Variants in PIK3CD observed in about 807,000 individuals in gnomAD.
PIK3CD encodes the protein phosphatidylinositol 4,5-bisphosphate 3-kinase catalytic subunit delta isoform.
Under a neutral mutation model 122.9 loss-of-function variants are expected in PIK3CD, and 20 were observed. The observed-to-expected ratio is 0.16, with a 90% CI of 0.11 to 0.24. PIK3CD has a LOEUF of 0.24. Ranked by LOEUF, PIK3CD falls within the 10% of genes least tolerant of loss-of-function variation. PIK3CD has a pLI of 1.00. For synonymous variants in PIK3CD, 596 were observed against 593.4 expected, an observed-to-expected ratio of 1.00 and a Z score of -0.06; for missense variants, 787 against 1,406.3, an observed-to-expected ratio of 0.56 and a Z score of 7.04.
At chr1:9,674,868 C>CA (rs1294581200) in intron 1 of PIK3CD, among the ~76,000 whole-genome samples, 1 of 149,898 alleles carries the variant, frequency 6.7e-6, no homozygotes, top group African/African-American at 2.4e-5. Flanking sequence ...CCCATCTCTA[C>CA]AAAAAAATAC....
At chr1:9,685,703 T>C (rs1218330046) in intron 1 of PIK3CD, among the ~76,000 whole-genome samples, 2 of 152,180 alleles carry the variant, frequency 1.3e-5, no homozygotes, top group Admixed American at 1.3e-4. Context: ...CTCACTGTGT[T>C]GTCCAGGCTC....
At chr1:9,684,526 G>A (rs1263971146) in intron 1 of PIK3CD, among the ~76,000 whole-genome samples, 2 of 144,062 alleles carry the variant, frequency 1.4e-5, no homozygotes, top group Non-Finnish European at 3.0e-5. Context: ...GACAGAGAGA[G>A]ACTCCGTCTC....
At chr1:9,637,411 C>T in the PIK3CD span, among the ~76,000 whole-genome samples, 1 of 152,184 alleles carries the variant, frequency 6.6e-6, no homozygotes, top group African/African-American at 2.4e-5. Context: ...CACCTACAGT[C>T]CCAGCTACTC....
At chr1:9,702,492 G>T (rs1646673786) in intron 2 of PIK3CD, among the ~76,000 whole-genome samples, 2 of 65,858 alleles carry the variant, frequency 3.0e-5, no homozygotes, top group Non-Finnish European at 3.6e-5. Context: ...TCCAAGGAAA[G>T]AACTTTCCTT....
intron 1 of PIK3CD, among the ~76,000 whole-genome samples, chr1:9,654,958 T>C (rs988036433): frequency 2.6e-5 from 4 of 151,734 alleles, no homozygotes; most frequent in Non-Finnish European, 5.9e-5. Context: ...TCCCAGCTAC[T>C]TGGGAGGTGG....
At position 9,727,040 on chromosome 1, in the gene PIK3CD, G is replaced by A. The variant is rs1315507336; in HGVS notation, c.3129G>A (p.Arg1043=). 2 of 1,614,108 alleles carry A rather than the reference G, an allele frequency of 1.2e-6. No homozygotes were observed. Among genetic ancestry groups the A allele is most frequent in the Non-Finnish European group, 8.5e-7 (1 of 1,180,036 alleles). Residue 1043 remains arginine, a synonymous_variant, in exon 24 of 24, where the codon AGG becomes AGA. Transcript: ENST00000377346. The part of the protein sequence containing the change: ...WLAHNVSKDN[R]Q Reference sequence around the variant, plus strand: ...CCCACAACGTGTCCAAAGACAACAGGCAGTAGTGGCTCCTCCCAGCCCTGG... The same window carrying A: ...CCCACAACGTGTCCAAAGACAACAGACAGTAGTGGCTCCTCCCAGCCCTGG...
At chr1:9,639,854 C>T in the PIK3CD span, among the ~76,000 whole-genome samples, 3 of 152,086 alleles carry the variant, frequency 2.0e-5, no homozygotes, top group Admixed American at 1.3e-4. Flanking sequence ...CTCAGCCTCC[C>T]GAGTAGCTGG....
the PIK3CD span, among the ~76,000 whole-genome samples, chr1:9,638,363 A>T: frequency 6.6e-6 from 1 of 151,814 alleles, no homozygotes; most frequent in African/African-American, 2.4e-5. Flanking sequence ...CTGTGCACTC[A>T]TGCCTCCCTC....
chr1:9,682,303 A>T (rs1245647218), intron 1 of PIK3CD, among the ~76,000 whole-genome samples: 1 of 152,076 alleles, frequency 6.6e-6, no homozygotes, highest in Non-Finnish European at 1.5e-5. Context: ...GCTGGAGTGC[A>T]GTGGCGCCAT....
At chr1:9,632,620 C>T in the PIK3CD span, among the ~76,000 whole-genome samples, 1 of 152,182 alleles carries the variant, frequency 6.6e-6, no homozygotes, top group East Asian at 1.9e-4. Flanking sequence ...ATACAAAGCA[C>T]GCGCTGCAGC....
rs1000703361 is a variant in PIK3CD at position 9,710,654 on chromosome 1, GAC to G, written c.141+62_141+63del. ...GCTCAGAGAGAGAGAGAGAGAGAGAGACACAGATAGACAGACAGACAGACAGA... is the reference window on the plus strand; with the variant it reads ...GCTCAGAGAGAGAGAGAGAGAGAGAGACAGATAGACAGACAGACAGACAGA... On this transcript the variant is annotated intron_variant, in intron 3 of 23. Coordinates refer to ENST00000377346, the MANE Select transcript of PIK3CD (RefSeq NM_005026.5). The surrounding 1 kb of genome is among the most constrained non-coding windows in gnomAD (Gnocchi z 4.7). 895 of 1,439,002 alleles carry G rather than the reference GAC, an allele frequency of 6.2e-4. No individual in the cohort carries two copies. The highest frequency in any genetic ancestry group is 7.6e-4 in the Middle Eastern group (4 of 5,250). 89.1% of individuals were successfully genotyped at this position (1,439,002 alleles called of 1,614,324 possible).
intron 1 of PIK3CD, among the ~76,000 whole-genome samples, chr1:9,667,999 C>T (rs550195973): frequency 2.0e-5 from 3 of 150,790 alleles, no homozygotes; most frequent in East Asian, 2.0e-4. Context: ...GTGATCTTCC[C>T]GCCTTCGCCT....
chr1:9,678,885 A>G (rs1645639752), intron 1 of PIK3CD, among the ~76,000 whole-genome samples: 1 of 152,094 alleles, frequency 6.6e-6, no homozygotes, highest in African/African-American at 2.4e-5. Flanking sequence ...GCAAGGATCG[A>G]CTTTCCTGCG....
At chr1:9,691,420 CTT>C in intron 1 of PIK3CD, 45 bp from the exon 2 acceptor site, 1 of 397,968 alleles carries the variant, frequency 2.5e-6, no homozygotes, top group Middle Eastern at 6.2e-4. Context: ...GAAATTCTCT[CTT>C]GTTAAAATAG....
In PIK3CD at chr1:9,720,104, G is replaced by C; in HGVS notation, c.1340-8G>C. The C allele has an allele frequency of 1.9e-6, 3 of 1,613,334 alleles. No homozygotes were observed. The highest frequency in any genetic ancestry group is 2.5e-6 in the Non-Finnish European group (3 of 1,180,010). On this transcript the variant is annotated splice_polypyrimidine_tract_variant and splice_region_variant and intron_variant, in intron 10 of 23. Transcript: ENST00000377346. This position sits in a 1 kb window ranked among gnomAD's most constrained non-coding sequence, Gnocchi z 9.0. ...CCCCTCTACAACTTCATCTGCCCCT[G>C]TGTTCAGATGAGAAGGGCGAGCTGC...
chr1:9,689,327 G>C lies in PIK3CD; in HGVS notation c.-137-2140G>C, dbSNP rs554872938. Among the ~76,000 whole-genome samples, 4 of 152,248 alleles carry C rather than the reference G, an allele frequency of 2.6e-5. No individual in the cohort carries two copies. In the East Asian group the frequency reaches 7.7e-4, roughly 29 times the overall value. ...GCCTGGCAGCGTCCTGGGCCTCCGG[G>C]CGAGAACAGCGGGGGTCGGGGAGGA... On this transcript the variant is annotated intron_variant, in intron 1 of 23. Coordinates refer to ENST00000377346, the MANE Select transcript of PIK3CD (RefSeq NM_005026.5). This position sits in a 1 kb window ranked among gnomAD's most constrained non-coding sequence, Gnocchi z 6.1.
chr1:9,709,781 C>T (rs995963827), intron 2 of PIK3CD, among the ~76,000 whole-genome samples: 9 of 151,850 alleles, frequency 5.9e-5, no homozygotes, highest in Non-Finnish European at 8.8e-5. Context: ...CCGAGGTGGG[C>T]GGATCACTTG....
At position 9,717,497 on chromosome 1, in the gene PIK3CD, C is replaced by T. The variant is rs1647688354; in HGVS notation, c.931-40C>T. 1.3e-6 allele frequency: 2 copies of T among 1,595,380 alleles called. No homozygotes were observed. The highest frequency in any genetic ancestry group is 1.3e-5 in the African/African-American group (1 of 74,566). ...CCATAGGCCAGGGAGACAAGCTGCA[C>T]TTTGAGCCGTGTTAACAGCCCTGCT... On this transcript the variant is annotated intron_variant, in intron 7 of 23. Coordinates refer to ENST00000377346, the MANE Select transcript of PIK3CD (RefSeq NM_005026.5). This position sits in a 1 kb window ranked among gnomAD's most constrained non-coding sequence, Gnocchi z 5.4.
Position 9,721,876 on chromosome 1 carries a change from C to T in PIK3CD, c.2055+16C>T, listed in dbSNP as rs12735871. Reference sequence around the variant, plus strand: ...GATGAAGCAGGTGAGGCCCAAGGCCCTGGGGGGCGGGCAGGGGGCGGCCCT... The same window carrying T: ...GATGAAGCAGGTGAGGCCCAAGGCCTTGGGGGGCGGGCAGGGGGCGGCCCT... On this transcript the variant is annotated intron_variant, in intron 16 of 23. Coordinates refer to ENST00000377346, the MANE Select transcript of PIK3CD (RefSeq NM_005026.5). 6.2e-7 allele frequency: 1 copy of T among 1,612,762 alleles called. No individual in the cohort carries two copies. The highest frequency in any genetic ancestry group is 8.5e-7 in the Non-Finnish European group (1 of 1,179,734).
Sources: gnomAD v4.1 joint callset for allele counts (sites outside exome capture counted in the v4.1 genomes callset) on GRCh38, gnomAD v4.1.1 for gene constraint, Gnocchi (gnomAD v3.1) non-coding constraint, MANE v1.5 for transcripts, NCBI Gene and HGNC (gene_info 2026-07-23, HGNC 2026-07-21) for gene names.